CTNNA2: variants seen among roughly 807,000 people sequenced by gnomAD.
CTNNA2 encodes the protein catenin alpha-2.
A neutral mutation model predicts 101.0 loss-of-function variants in CTNNA2; 42 were observed. That is an observed-to-expected ratio of 0.42 (90% CI 0.32 to 0.54). The LOEUF (loss-of-function observed/expected upper bound fraction) is 0.54. CTNNA2 is among the 20% of genes least tolerant of loss of function. The pLI, the probability that CTNNA2 is intolerant of heterozygous loss-of-function variation, is 0.14. For synonymous variants in CTNNA2, 450 were observed against 456.4 expected, an observed-to-expected ratio of 0.99 and a Z score of 0.18; for missense variants, 871 against 1,223.1, an observed-to-expected ratio of 0.71 and a Z score of 4.29.
chr2:80,646,754 G>A (rs1674135979), intron 18 of CTNNA2, among the ~76,000 whole-genome samples: 1 of 152,042 alleles, frequency 6.6e-6, no homozygotes, highest in African/African-American at 2.4e-5. Flanking sequence ...CTATTCTCAA[G>A]TTGTGACTTG....
intron 9 of CTNNA2, among the ~76,000 whole-genome samples, chr2:80,543,864 G>T (rs910622717): frequency 2.6e-5 from 4 of 152,176 alleles, no homozygotes; most frequent in African/African-American, 9.6e-5. Context: ...CAAGACTCCA[G>T]GGATTCTGTC....
At chr2:80,457,793 C>T (rs188244188) in intron 9 of CTNNA2, among the ~76,000 whole-genome samples, 3 of 152,268 alleles carry the variant, frequency 2.0e-5, no homozygotes, top group Admixed American at 1.3e-4. Flanking sequence ...AATGCTCCTC[C>T]TCCTTGTTTC....
chr2:80,380,106 G>A (rs1303521625), intron 7 of CTNNA2, among the ~76,000 whole-genome samples: 2 of 141,242 alleles, frequency 1.4e-5, no homozygotes, highest in Non-Finnish European at 3.0e-5. Flanking sequence ...GCACGATCTC[G>A]GCTCACTGCA....
chr2:80,045,022 C>A (rs149292995), intron 7 of CTNNA2, among the ~76,000 whole-genome samples: 1 of 152,138 alleles, frequency 6.6e-6, no homozygotes, highest in South Asian at 2.1e-4. Context: ...GTTTATTTGG[C>A]GGCTGAACGC....
At chr2:80,309,409 T>C (rs1677326452) in intron 7 of CTNNA2, among the ~76,000 whole-genome samples, 1 of 152,284 alleles carries the variant, frequency 6.6e-6, no homozygotes, top group East Asian at 1.9e-4. Context: ...TTTATCAATC[T>C]TGTGGTCCTG....
chr2:79,645,810 G>A (rs988234152), intron 1 of CTNNA2, among the ~76,000 whole-genome samples: 2 of 152,182 alleles, frequency 1.3e-5, no homozygotes, highest in African/African-American at 4.8e-5. Context: ...CAATGAAACC[G>A]AAGCTTAGGT....
At chr2:80,469,086 T>C (rs1436619470) in intron 9 of CTNNA2, among the ~76,000 whole-genome samples, 1 of 152,108 alleles carries the variant, frequency 6.6e-6, no homozygotes, top group African/African-American at 2.4e-5. Context: ...GGTGGTGGTG[T>C]GACGGCTTAT....
At chr2:79,364,738 C>T (rs550615340) in intron 3 of CTNNA2, among the ~76,000 whole-genome samples, 1 of 152,290 alleles carries the variant, frequency 6.6e-6, no homozygotes, top group East Asian at 1.9e-4. Context: ...TCTCCATCAA[C>T]TGTACTTTTA....
intron 1 of CTNNA2, among the ~76,000 whole-genome samples, chr2:79,190,488 T>C (rs565117841): frequency 6.6e-6 from 1 of 152,118 alleles, no homozygotes; most frequent in South Asian, 2.1e-4. Context: ...TCACCATACT[T>C]GGACACAATA....
At chr2:79,294,994 C>CGTGT (rs200187622) in intron 2 of CTNNA2, among the ~76,000 whole-genome samples, 7 of 63,874 alleles carry the variant, frequency 1.1e-4, no homozygotes, top group Non-Finnish European at 2.2e-4. Context: ...TGTGTGAGTT[C>CGTGT]ATGTGTGTGT....
intron 3 of CTNNA2, among the ~76,000 whole-genome samples, chr2:79,852,967 A>G (rs1177982252): frequency 6.6e-6 from 1 of 152,080 alleles, no homozygotes; most frequent in Non-Finnish European, 1.5e-5. Context: ...CCTGGGTTCA[A>G]GCAATTCTCC....
At chr2:79,499,646 G>A (rs948678269) in intron 4 of CTNNA2, among the ~76,000 whole-genome samples, 9 of 152,172 alleles carry the variant, frequency 5.9e-5, no homozygotes, top group East Asian at 3.9e-4. Flanking sequence ...GCTGATGCTC[G>A]TCTCTCACTC....
chr2:80,484,825 T>A (rs1029854645), intron 9 of CTNNA2, among the ~76,000 whole-genome samples: 1 of 152,034 alleles, frequency 6.6e-6, no homozygotes, highest in Non-Finnish European at 1.5e-5. Flanking sequence ...GCTACCACGG[T>A]GAAACCTTGT....
At chr2:79,379,979 C>T (rs1255941994) in intron 4 of CTNNA2, among the ~76,000 whole-genome samples, 1 of 152,056 alleles carries the variant, frequency 6.6e-6, no homozygotes, top group Non-Finnish European at 1.5e-5. Flanking sequence ...CCCCAGAACC[C>T]CCATAGTCTC....
intron 14 of CTNNA2, chr2:80,586,382 G>A (rs2149728851): frequency 1.3e-5 from 2 of 152,290 alleles, no homozygotes; most frequent in Middle Eastern, 3.4e-3. Flanking sequence ...TTGAGTCTGG[G>A]AGTCTGCTGG....
At chr2:79,814,115 C>A (rs1677271004) in intron 3 of CTNNA2, among the ~76,000 whole-genome samples, 2 of 152,190 alleles carry the variant, frequency 1.3e-5, no homozygotes, top group Admixed American at 1.3e-4. Context: ...CCACCCTAAC[C>A]TACTAAGACT....
chr2:79,859,597 G>C (rs897081726), intron 4 of CTNNA2, among the ~76,000 whole-genome samples: 10 of 150,174 alleles, frequency 6.7e-5, no homozygotes, highest in Non-Finnish European at 1.5e-5. Flanking sequence ...GGGACACCAA[G>C]AAACTGCTTG....
intron 7 of CTNNA2, chr2:80,163,181 G>T: frequency 7.3e-7 from 1 of 1,367,564 alleles, no homozygotes; most frequent in Non-Finnish European, 1.0e-6. Context: ...GAGCTCCTCG[G>T]TCACTTTCAT....
intron 3 of CTNNA2, among the ~76,000 whole-genome samples, chr2:79,844,517 G>T (rs141063167): frequency 6.6e-6 from 1 of 152,156 alleles, no homozygotes; most frequent in Non-Finnish European, 1.5e-5. Flanking sequence ...AGTAGTAGGA[G>T]ACAAAAGGGT....
Sources: allele counts gnomAD v4.1 joint callset (sites outside exome capture counted in the v4.1 genomes callset), GRCh38; gene constraint gnomAD v4.1.1; transcripts MANE v1.5; gene names NCBI Gene and HGNC (gene_info 2026-07-23, HGNC 2026-07-21).